Variants in NIPAL2 observed in about 807,000 individuals in gnomAD.
NIPAL2 encodes the protein NIPA like domain containing 2, also known as NIPA-like protein 2.
In NIPAL2, 43 loss-of-function variants were observed where a neutral mutation model predicts 48.9. That is an observed-to-expected ratio of 0.88 (90% CI 0.69 to 1.13). The LOEUF (loss-of-function observed/expected upper bound fraction) is 1.13. Ranked by LOEUF, NIPAL2 falls within the 50% of genes most tolerant of loss-of-function variation. The probability of loss-of-function intolerance (pLI) is 0.00; values close to 1 mark genes in which losing one functional copy is unlikely to be tolerated. For missense variants in NIPAL2, 446 were observed against 461.4 expected, an observed-to-expected ratio of 0.97 and a Z score of 0.31; for synonymous variants, 167 against 174.6, an observed-to-expected ratio of 0.96 and a Z score of 0.34.
Position 98,293,989 on chromosome 8 carries a change from G to C in NIPAL2, c.135+14C>G, listed in dbSNP as rs889448683. The C allele has an allele frequency of 3.4e-6, 5 of 1,450,198 alleles. No homozygotes were observed. Among genetic ancestry groups the C allele is most frequent in the South Asian group, 1.4e-5 (1 of 73,154 alleles). The allele number at this position is 1,450,198 out of a possible 1,614,324, so 89.8% of individuals were successfully genotyped here. ...GTCCCCACCGGGCTGCGGTGGCTGC[G>C]GGGCGGCCCTTACCTGGTTCCTGCG... On this transcript the variant is annotated intron_variant, in intron 1 of 10. Coordinates refer to ENST00000430223, the MANE Select transcript of NIPAL2 (RefSeq NM_001321635.2).
intron 3 of NIPAL2, among the ~76,000 whole-genome samples, chr8:98,241,817 C>T (rs2443568): frequency 0.88 from 133,499 of 152,168 alleles, 58,867 homozygotes; most frequent in Non-Finnish European, 0.9. Flanking sequence ...GGGTTTGACA[C>T]GGAATAATTA....
At chr8:98,266,245 C>A (rs1461611652) in intron 1 of NIPAL2, among the ~76,000 whole-genome samples, 2 of 144,764 alleles carry the variant, frequency 1.4e-5, no homozygotes, top group Non-Finnish European at 3.0e-5. Context: ...AACTAACCTG[C>A]ACAATGTGCA....
chr8:98,224,612 T>C (rs1350934047), intron 4 of NIPAL2, among the ~76,000 whole-genome samples: 2 of 152,134 alleles, frequency 1.3e-5, no homozygotes, highest in African/African-American at 2.4e-5. Flanking sequence ...TATATCTTCG[T>C]TGCGTTTCTT....
intron 1 of NIPAL2, among the ~76,000 whole-genome samples, chr8:98,282,043 A>G (rs1233567281): frequency 1.3e-5 from 2 of 152,206 alleles, no homozygotes; most frequent in Non-Finnish European, 2.9e-5. Flanking sequence ...GCAAGGTAAC[A>G]TTCAAAGAAG....
intron 1 of NIPAL2, among the ~76,000 whole-genome samples, chr8:98,260,296 C>T (rs1419846397): frequency 6.6e-6 from 1 of 152,198 alleles, no homozygotes; most frequent in African/African-American, 2.4e-5. Flanking sequence ...CGAATAGGAA[C>T]AGCTCCGGTC....
intron 5 of NIPAL2, among the ~76,000 whole-genome samples, chr8:98,220,452 C>T (rs553100528): frequency 6.6e-5 from 10 of 151,592 alleles, no homozygotes; most frequent in African/African-American, 2.4e-4. Context: ...ACTCTGTCAC[C>T]CAGGTTGGAG....
In NIPAL2 at chr8:98,208,143, T is replaced by G. The variant is rs867265529; in HGVS notation, c.656-2897A>C. On this transcript the variant is annotated intron_variant, in intron 6 of 10. Transcript: ENST00000430223. ...CAGTGCTCAATTGCACAGATTTTTG[T>G]ATTTTTCTTTGTATCTTTCTCTATT... 4.6e-5 allele frequency among the ~76,000 whole-genome samples: 7 copies of G among 152,346 alleles called. No individual in the cohort carries two copies. In the South Asian group the frequency reaches 8.3e-4, roughly 18 times the overall value.
intron 3 of NIPAL2, among the ~76,000 whole-genome samples, chr8:98,240,023 C>G (rs1283420806): frequency 6.6e-6 from 1 of 152,142 alleles, no homozygotes; most frequent in Non-Finnish European, 1.5e-5. Context: ...AGGGGAAAAT[C>G]TATTATACTT....
chr8:98,269,167 G>T (rs1814970641), intron 1 of NIPAL2, among the ~76,000 whole-genome samples: 1 of 152,108 alleles, frequency 6.6e-6, no homozygotes, highest in East Asian at 1.9e-4. Flanking sequence ...AACCACGAGG[G>T]TTGGAATCAA....
chr8:98,201,737 T>C (rs1011562475), intron 8 of NIPAL2, among the ~76,000 whole-genome samples: 16 of 152,240 alleles, frequency 1.1e-4, no homozygotes, highest in African/African-American at 3.6e-4. Context: ...ATGCAATCTT[T>C]TCTTAATTTA....
rs778575042 is a variant in NIPAL2, at chr8:98,212,462, A to G, written c.598T>C (p.Tyr200His). 1 of 1,574,908 alleles carries G rather than the reference A, an allele frequency of 6.3e-7. No homozygotes were observed. Among genetic ancestry groups the G allele is most frequent in the Non-Finnish European group, 8.7e-7 (1 of 1,145,096 alleles). ...ILIFCILLYF[Y>H]KRKGMKHMVI... ...ATATGCTTCATTCCTTTTCTTTTATAGAAATACAGGAGAATGCAGAAAATT... is the reference window on the plus strand; with the variant it reads ...ATATGCTTCATTCCTTTTCTTTTATGGAAATACAGGAGAATGCAGAAAATT... The change falls in exon 6 of 11, where the codon TAT (tyrosine) becomes CAT (histidine). Residue 200 changes from tyrosine to histidine, a missense_variant. By Grantham distance (83) the Tyr-to-His change is moderately conservative (BLOSUM62 2). Transcript: ENST00000430223.
intron 1 of NIPAL2, among the ~76,000 whole-genome samples, chr8:98,267,691 A>G (rs1276281373): frequency 6.6e-6 from 1 of 152,182 alleles, no homozygotes; most frequent in Admixed American, 6.6e-5. Flanking sequence ...AGCCATCATT[A>G]TAAGGTTAAA....
chr8:98,251,111 T>C (rs1813564267), intron 3 of NIPAL2, among the ~76,000 whole-genome samples: 1 of 151,884 alleles, frequency 6.6e-6, no homozygotes, highest in Non-Finnish European at 1.5e-5. Flanking sequence ...CAATACGATA[T>C]GGTGCACTCA....
At chr8:98,201,725 A>C (rs1242633114) in intron 8 of NIPAL2, among the ~76,000 whole-genome samples, 1 of 152,206 alleles carries the variant, frequency 6.6e-6, no homozygotes, top group East Asian at 1.9e-4. Context: ...AGACACATCA[A>C]TATGCAATCT....
intron 1 of NIPAL2, among the ~76,000 whole-genome samples, chr8:98,274,796 A>G (rs896725678): frequency 1.1e-4 from 17 of 151,936 alleles, no homozygotes; most frequent in East Asian, 9.6e-4. Flanking sequence ...TATTTCTACT[A>G]TCTTTTGTGT....
chr8:98,288,451 T>G (rs1303030476), intron 1 of NIPAL2, among the ~76,000 whole-genome samples: 3 of 151,836 alleles, frequency 2.0e-5, no homozygotes, highest in Non-Finnish European at 2.9e-5. Context: ...TGTTGGACAT[T>G]TGGGTTGGTT....
intron 7 of NIPAL2, 132 bp downstream of exon 7, chr8:98,204,978 AC>A: frequency 1.1e-6 from 1 of 935,130 alleles, no homozygotes; most frequent in African/African-American, 1.7e-5. Flanking sequence ...TTGGCTGAGG[AC>A]AAGCTACAGG....
intron 1 of NIPAL2, among the ~76,000 whole-genome samples, chr8:98,267,159 G>T (rs925662564): frequency 6.6e-6 from 1 of 152,142 alleles, no homozygotes; most frequent in Non-Finnish European, 1.5e-5. Context: ...TTTGTAAGAT[G>T]TAGGTGATAT....
chr8:98,275,170 T>TTG lies in NIPAL2; in HGVS notation c.135+18831_135+18832dup, dbSNP rs138037839. ...TTTCACCAATTATATATGAACCCAT[T>TTG]TGTGTGTGTGTGTGTAACCACTGCC... On this transcript the variant is annotated intron_variant, in intron 1 of 10. Transcript: ENST00000430223. Among the ~76,000 whole-genome samples, 619 of 151,272 alleles carry TTG rather than the reference T, an allele frequency of 4.1e-3. 2 individuals are homozygous for TTG. Among genetic ancestry groups the TTG allele is most frequent in the African/African-American group, 0.011 (469 of 41,368 alleles).
Sources: allele counts gnomAD v4.1 joint callset (sites outside exome capture counted in the v4.1 genomes callset), GRCh38; gene constraint gnomAD v4.1.1; transcripts MANE v1.5; gene names NCBI Gene and HGNC (gene_info 2026-07-23, HGNC 2026-07-21).